ZCCHC2: variants seen among roughly 807,000 people sequenced by gnomAD.
ZCCHC2 encodes the protein zinc finger CCHC domain-containing protein 2.
A neutral mutation model predicts 103.6 loss-of-function variants in ZCCHC2; 39 were observed. That is an observed-to-expected ratio of 0.38 (90% confidence interval 0.29 to 0.49). The LOEUF (loss-of-function observed/expected upper bound fraction) is 0.49. ZCCHC2 is among the 20% of genes least tolerant of loss of function. ZCCHC2 has a pLI of 0.96. For synonymous variants in ZCCHC2, 687 were observed against 608.9 expected, an observed-to-expected ratio of 1.13 and a Z score of -1.89; for missense variants, 1,483 against 1,491.0, an observed-to-expected ratio of 0.99 and a Z score of 0.09.
chr18:62,542,824 T>C (rs1424719255), intron 3 of ZCCHC2, among the ~76,000 whole-genome samples: 5 of 152,348 alleles, frequency 3.3e-5, no homozygotes, highest in Admixed American at 1.3e-4. Context: ...GCAATTAAGA[T>C]GTAAGATACA....
rs201517144 is a variant in ZCCHC2, at chr18:62,574,547, A to G, written c.2466A>G (p.Gly822=). ...VQRLKLPPPQ[G]SSESCTVNIP... ...GGCTAAAGTTGCCACCACCACAGGG[A>G]TCTTCTGAGAGCTGCACAGTTAACA... The change falls in exon 13 of 14, where the codon GGA becomes GGG. Residue 822 remains glycine, a synonymous_variant. Coordinates refer to ENST00000269499, the MANE Select transcript of ZCCHC2 (RefSeq NM_017742.6). 42 of 1,613,958 alleles carry G rather than the reference A, an allele frequency of 2.6e-5. No individual in the cohort carries two copies. The South Asian group carries it at 2.7e-4, about 11-fold the overall frequency.
chr18:62,539,412 G>A (rs937109672), intron 1 of ZCCHC2: 10 of 306,902 alleles, frequency 3.3e-5, no homozygotes, highest in Admixed American at 2.4e-4. Flanking sequence ...CTTTGATTTG[G>A]ATTCAGAATT....
chr18:62,565,125 C>T, intron 11 of ZCCHC2, 29 bp downstream of exon 11: 1 of 1,483,034 alleles, frequency 6.7e-7, no homozygotes. Flanking sequence ...TTTCAAATAC[C>T]CATCACATAA....
At chr18:62,565,815 A>G (rs1035532268) in intron 11 of ZCCHC2, among the ~76,000 whole-genome samples, 8 of 152,218 alleles carry the variant, frequency 5.3e-5, no homozygotes, top group South Asian at 2.1e-4. Context: ...TTATTCTAAT[A>G]TTAGTACATT....
intron 5 of ZCCHC2, chr18:62,551,816 A>G (rs935781841): frequency 6.6e-5 from 10 of 152,596 alleles, no homozygotes; most frequent in Middle Eastern, 3.4e-3. Context: ...ACATTACATA[A>G]AAGCAGTGCT....
chr18:62,556,099 A>T, intron 5 of ZCCHC2, 104 bp from the exon 6 acceptor site: 5 of 792,816 alleles, frequency 6.3e-6, no homozygotes, highest in Non-Finnish European at 1.0e-5. Context: ...ATTTTTCCAT[A>T]CCTGAATTAA....
At chr18:62,524,460 C>G (rs1346305805) in intron 1 of ZCCHC2, 97 bp downstream of exon 1, 2 of 1,398,290 alleles carry the variant, frequency 1.4e-6, no homozygotes, top group Non-Finnish European at 1.8e-6. Context: ...GAGCCCCAGC[C>G]CGGCGCAGGT....
At chr18:62,568,323 G>T (rs1276528574) in intron 11 of ZCCHC2, among the ~76,000 whole-genome samples, 1 of 152,196 alleles carries the variant, frequency 6.6e-6, no homozygotes, top group South Asian at 2.1e-4. Flanking sequence ...AGGGCAATTT[G>T]TGGAGTATCC....
intron 3 of ZCCHC2, among the ~76,000 whole-genome samples, chr18:62,542,909 TTCC>T (rs1915260676): frequency 6.6e-6 from 1 of 152,118 alleles, no homozygotes. Flanking sequence ...CCCTGGTATT[TTCC>T]TCCTCCTCTT....
At chr18:62,555,968 T>C (rs1477710225) in intron 5 of ZCCHC2, among the ~76,000 whole-genome samples, 1 of 152,194 alleles carries the variant, frequency 6.6e-6, no homozygotes, top group Non-Finnish European at 1.5e-5. Context: ...TACCATTAGA[T>C]TATACAAAAT....
intron 10 of ZCCHC2, 53 bp from the exon 11 acceptor site, chr18:62,564,949 G>A (rs1916285805): frequency 2.3e-6 from 3 of 1,296,174 alleles, no homozygotes; most frequent in Admixed American, 1.8e-5. Context: ...TGTACTGAAT[G>A]TGTTTGGTAG....
At chr18:62,537,224 G>C (rs962667417) in intron 1 of ZCCHC2, among the ~76,000 whole-genome samples, 10 of 151,950 alleles carry the variant, frequency 6.6e-5, no homozygotes, top group Admixed American at 6.6e-4. Context: ...TGTTGCCCAG[G>C]CTGAAGTGCA....
chr18:62,570,005 G>C (rs1444183207), intron 11 of ZCCHC2, 98 bp from the exon 12 acceptor site: 3 of 1,243,160 alleles, frequency 2.4e-6, no homozygotes, highest in Admixed American at 5.7e-5. Context: ...TGGGGAAACT[G>C]AAGAAAATAT....
At chr18:62,534,036 A>G (rs959914207) in intron 1 of ZCCHC2, among the ~76,000 whole-genome samples, 5 of 152,214 alleles carry the variant, frequency 3.3e-5, no homozygotes, top group Non-Finnish European at 7.3e-5. Context: ...AAAGCGTGGA[A>G]CAAGTGTAGA....
chr18:62,558,560 C>T (rs1232179065), intron 6 of ZCCHC2, 127 bp from the exon 7 acceptor site: 4 of 546,000 alleles, frequency 7.3e-6, no homozygotes, highest in Non-Finnish European at 1.3e-5. Context: ...TGCCTTCTCA[C>T]TAGTAGCCAT....
chr18:62,523,498 C>T lies in ZCCHC2; in HGVS notation c.74C>T (p.Ala25Val). The change falls in exon 1 of 14, where the codon GCG becomes GTG. Residue 25 changes from alanine to valine, a missense_variant. By Grantham distance (64) the Ala-to-Val change is moderately conservative. Coordinates refer to ENST00000269499, the MANE Select transcript of ZCCHC2 (RefSeq NM_017742.6). ...EPPPEAEEPE[A>V]DARPGAKAPS... ...CCGCCCGAGGCGGAGGAGCCCGAGG[C>T]GGACGCGCGGCCGGGCGCGAAGGCG... is the stretch of plus-strand genomic sequence containing the variant. 1 of 995,038 alleles carries T rather than the reference C, an allele frequency of 1.0e-6. No homozygotes were observed. The highest frequency in any genetic ancestry group is 1.2e-6 in the Non-Finnish European group (1 of 835,684). 61.6% of individuals were successfully genotyped at this position (995,038 alleles called of 1,614,324 possible). A position where few individuals can be genotyped will look rare whatever the true frequency, so the allele number is the denominator to read the frequency against.
Position 62,556,187 on chromosome 18 carries a change from T to A in ZCCHC2, c.1314-16T>A. ...ATTACCTGAAATTAACAAATCTCTT[T>A]TCTTTTTATGTGCAGGCAGCTATTT... is the stretch of plus-strand genomic sequence containing the variant. On this transcript the variant is annotated splice_polypyrimidine_tract_variant and intron_variant, in intron 5 of 13. Transcript: ENST00000269499. The A allele has an allele frequency of 6.4e-7, 1 of 1,572,004 alleles. No individual in the cohort carries two copies. Among genetic ancestry groups the A allele is most frequent in the Admixed American group, 1.9e-5 (1 of 53,654 alleles).
intron 5 of ZCCHC2, among the ~76,000 whole-genome samples, chr18:62,553,919 T>C (rs570060199): frequency 6.6e-6 from 1 of 152,358 alleles, no homozygotes; most frequent in South Asian, 2.1e-4. Context: ...AGAGGTGTTT[T>C]AAATTTTTAT....
Position 62,576,792 on chromosome 18 carries a change from T to A in ZCCHC2, c.*213T>A. On this transcript the variant is annotated 3_prime_UTR_variant, in exon 14 of 14. Transcript: ENST00000269499. Reference sequence around the variant, plus strand: ...CTCCTGGTTCAACAACAGGCTTATATGTATGATACATGTAATTTAAACCTT... The same window carrying A: ...CTCCTGGTTCAACAACAGGCTTATAAGTATGATACATGTAATTTAAACCTT... 2.1e-6 allele frequency: 1 copy of A among 485,924 alleles called. No homozygotes were observed. The highest frequency in any genetic ancestry group is 3.8e-5 in the Admixed American group (1 of 26,630). 30.1% of individuals were successfully genotyped at this position (485,924 alleles called of 1,614,324 possible).
Sources: gnomAD v4.1 joint callset for allele counts (sites outside exome capture counted in the v4.1 genomes callset) on GRCh38, gnomAD v4.1.1 for gene constraint, MANE v1.5 for transcripts, NCBI Gene and HGNC (gene_info 2026-07-23, HGNC 2026-07-21) for gene names.